The following KCNIP1 variants were observed in gnomAD, a reference collection of about 807,000 sequenced individuals.
The protein encoded by KCNIP1 is potassium voltage-gated channel interacting protein 1, also known as A-type potassium channel modulatory protein KCNIP1.
A neutral mutation model predicts 33.0 loss-of-function variants in KCNIP1; 18 were observed. The observed-to-expected ratio is 0.55, with a 90% CI of 0.38 to 0.81. The LOEUF is 0.81. KCNIP1 is among the 30% of genes least tolerant of loss of function. KCNIP1 has a pLI of 0.00. For missense variants in KCNIP1, 238 were observed against 271.6 expected, an observed-to-expected ratio of 0.88 and a Z score of 0.87; for synonymous variants, 93 against 98.3, an observed-to-expected ratio of 0.95 and a Z score of 0.32.
At chr5:170,364,968 G>A (rs1763617541) in intron 1 of KCNIP1, among the ~76,000 whole-genome samples, 1 of 152,142 alleles carries the variant, frequency 6.6e-6, no homozygotes, top group African/African-American at 2.4e-5. Context: ...TCTCCTTGCT[G>A]TGCATTACTC....
intron 1 of KCNIP1, among the ~76,000 whole-genome samples, chr5:170,481,896 A>G (rs916633268): frequency 2.0e-5 from 3 of 152,220 alleles, no homozygotes; most frequent in Non-Finnish European, 2.9e-5. Flanking sequence ...GTATGGTCAT[A>G]TCAGAACTGA....
At chr5:170,407,698 C>T (rs1317154505) in intron 1 of KCNIP1, among the ~76,000 whole-genome samples, 1 of 152,210 alleles carries the variant, frequency 6.6e-6, no homozygotes, top group Non-Finnish European at 1.5e-5. Flanking sequence ...CTAGTCTTGA[C>T]TTCCAACCAC....
intron 1 of KCNIP1, among the ~76,000 whole-genome samples, chr5:170,655,956 C>G (rs1761248888): frequency 6.6e-6 from 1 of 152,142 alleles, no homozygotes; most frequent in African/African-American, 2.4e-5. Context: ...GCCTTGGGCC[C>G]CAAAGGGCTA....
intron 1 of KCNIP1, among the ~76,000 whole-genome samples, chr5:170,470,433 T>C (rs969161855): frequency 9.9e-5 from 15 of 151,904 alleles, no homozygotes; most frequent in Non-Finnish European, 2.2e-4. Context: ...ACTTTTACTC[T>C]TGTTACCGAA....
chr5:170,457,606 G>T (rs748913075), intron 1 of KCNIP1, among the ~76,000 whole-genome samples: 3 of 152,284 alleles, frequency 2.0e-5, no homozygotes, highest in Middle Eastern at 3.4e-3. Context: ...AATCACTACA[G>T]CTCGGCTCTC....
intron 1 of KCNIP1, among the ~76,000 whole-genome samples, chr5:170,673,383 C>A (rs2113775125): frequency 6.6e-6 from 1 of 152,316 alleles, no homozygotes; most frequent in Non-Finnish European, 1.5e-5. Flanking sequence ...ATGATGACGA[C>A]CATGACAGCT....
intron 1 of KCNIP1, among the ~76,000 whole-genome samples, chr5:170,531,091 C>A (rs1444508657): frequency 6.6e-6 from 1 of 152,166 alleles, no homozygotes; most frequent in Non-Finnish European, 1.5e-5. Flanking sequence ...CTGACTGAAA[C>A]CCCCTGAAGC....
chr5:170,539,385 A>G (rs1320745289), intron 1 of KCNIP1, among the ~76,000 whole-genome samples: 2 of 152,064 alleles, frequency 1.3e-5, no homozygotes, highest in Admixed American at 1.3e-4. Flanking sequence ...CTGACCTCCC[A>G]TCTTTCACCA....
intron 1 of KCNIP1, among the ~76,000 whole-genome samples, chr5:170,481,911 A>G (rs1267433776): frequency 6.6e-6 from 1 of 152,190 alleles, no homozygotes; most frequent in Non-Finnish European, 1.5e-5. Context: ...AACTGAAATC[A>G]TCCCTTCTTG....
At chr5:170,383,921 C>A in intron 1 of KCNIP1, 1 of 1,512,562 alleles carries the variant, frequency 6.6e-7, no homozygotes, top group Non-Finnish European at 9.0e-7. Flanking sequence ...CCATTTGAAC[C>A]CATTATCCCC....
chr5:170,663,053 G>A (rs923149960), intron 1 of KCNIP1, among the ~76,000 whole-genome samples: 1 of 152,166 alleles, frequency 6.6e-6, no homozygotes, highest in Non-Finnish European at 1.5e-5. Context: ...CTTGAACCAG[G>A]CATGGGGGAT....
chr5:170,635,306 A>G (rs1300919594), intron 1 of KCNIP1, among the ~76,000 whole-genome samples: 1 of 152,236 alleles, frequency 6.6e-6, no homozygotes, highest in Non-Finnish European at 1.5e-5. Flanking sequence ...TTGAGATTAC[A>G]GGAGTGAGCC....
intron 1 of KCNIP1, among the ~76,000 whole-genome samples, chr5:170,401,644 C>T (rs543884031): frequency 1.3e-3 from 192 of 152,136 alleles, no homozygotes; most frequent in Non-Finnish European, 2.1e-3. Context: ...TGCCTGTGGT[C>T]CCAGCTACTT....
At chr5:170,419,756 G>A (rs370260019) in intron 1 of KCNIP1, among the ~76,000 whole-genome samples, 5 of 152,220 alleles carry the variant, frequency 3.3e-5, no homozygotes, top group East Asian at 3.8e-4. Context: ...TGGGACGCAG[G>A]CCTGAGCAGG....
chr5:170,379,223 C>T (rs1764140511), intron 1 of KCNIP1, among the ~76,000 whole-genome samples: 1 of 152,116 alleles, frequency 6.6e-6, no homozygotes, highest in African/African-American at 2.4e-5. Flanking sequence ...GCAGGTCCTA[C>T]CTTGGAGTCC....
chr5:170,501,017 G>C (rs1373955535), upstream of KCNIP1, among the ~76,000 whole-genome samples: 1 of 152,174 alleles, frequency 6.6e-6, no homozygotes. Context: ...TAGGTTGGCT[G>C]CACCCCTGTC....
At chr5:170,462,264 C>CAAAAAAAAAAAAAAAAAAAAACAA (rs1756520201) in intron 1 of KCNIP1, among the ~76,000 whole-genome samples, 1 of 52,044 alleles carries the variant, frequency 1.9e-5, no homozygotes, top group Non-Finnish European at 3.5e-5. Context: ...AACAAATTAG[C>CAAAAAAAAAAAAAAAAAAAAACAA]AAAAAAAAAA....
chr5:170,525,722 T>G (rs6883450), intron 1 of KCNIP1, among the ~76,000 whole-genome samples: 22,741 of 152,228 alleles, frequency 0.15, 3,492 homozygotes, highest in African/African-American at 0.39. Context: ...TGTTCTGGAA[T>G]CTTCTCCTGG....
chr5:170,660,728 G>C (rs10076389), intron 1 of KCNIP1, among the ~76,000 whole-genome samples: 1 of 152,134 alleles, frequency 6.6e-6, no homozygotes, highest in Admixed American at 6.5e-5. Flanking sequence ...CCTGACCAGC[G>C]GGGCTCCCCA....
Sources: allele counts gnomAD v4.1 joint callset (sites outside exome capture counted in the v4.1 genomes callset), GRCh38; gene constraint gnomAD v4.1.1; transcripts MANE v1.5; gene names NCBI Gene and HGNC (gene_info 2026-07-23, HGNC 2026-07-21).